VLDLR: variants seen among roughly 807,000 people sequenced by gnomAD.
VLDLR encodes the protein very low-density lipoprotein receptor.
VLDLR carries 81 observed loss-of-function variants against 112.7 expected under a neutral mutation model. The ratio of observed to expected loss-of-function variants is 0.72; its 90% CI spans 0.60 to 0.86. The LOEUF (loss-of-function observed/expected upper bound fraction) is 0.86, where lower values mean the gene tolerates loss of function less well. Ranked by LOEUF, VLDLR falls within the 40% of genes least tolerant of loss-of-function variation. The pLI, the probability that VLDLR is intolerant of heterozygous loss-of-function variation, is 0.00. For synonymous variants in VLDLR, 436 were observed against 384.8 expected (o/e 1.13, Z -1.56); for missense variants, 1,237 against 1,099.4 (o/e 1.13, Z -1.77).
At chr9:2,642,435 G>A (rs1448761707) in intron 4 of VLDLR, among the ~76,000 whole-genome samples, 1 of 152,188 alleles carries the variant, frequency 6.6e-6, no homozygotes, top group Non-Finnish European at 1.5e-5. Flanking sequence ...AAGCCCTGGT[G>A]CTGCCAAGTG....
chr9:2,633,420 A>C (rs974299793), intron 1 of VLDLR, among the ~76,000 whole-genome samples: 1 of 152,160 alleles, frequency 6.6e-6, no homozygotes, highest in Non-Finnish European at 1.5e-5. Flanking sequence ...TGCCTAGGAA[A>C]TCTGTAGCTT....
At position 2,628,318 on chromosome 9, in the gene VLDLR, A is replaced by G. The variant is rs145106516; in HGVS notation, c.82+6047A>G. ...CATTGAGGCCTCATTCAAGAATACA[A>G]TCTGAGCCCACTCCTGGTGAATGGG... On this transcript the variant is annotated intron_variant, in intron 1 of 18. Coordinates refer to ENST00000382100, the MANE Select transcript of VLDLR (RefSeq NM_003383.5). 2.7e-3 allele frequency among the ~76,000 whole-genome samples: 418 copies of G among 152,302 alleles called. 3 individuals are homozygous for G. Among genetic ancestry groups the G allele is most frequent in the African/African-American group, 9.2e-3 (381 of 41,566 alleles).
At chr9:2,635,742 A>G (rs1563752234) in intron 2 of VLDLR, among the ~76,000 whole-genome samples, 170 bp downstream of exon 2, 1 of 152,236 alleles carries the variant, frequency 6.6e-6, no homozygotes, top group South Asian at 2.1e-4. Flanking sequence ...GGGGTTATCA[A>G]CTTGAGAATG....
intron 15 of VLDLR, 125 bp from the exon 16 acceptor site, chr9:2,651,290 A>C: frequency 1.3e-6 from 1 of 743,398 alleles, no homozygotes; most frequent in South Asian, 1.6e-5. Flanking sequence ...TGTACAACTT[A>C]GTTCAGCAGT....
intron 2 of VLDLR, 32 bp downstream of exon 2, chr9:2,635,604 T>C (rs773048109): frequency 2.5e-6 from 4 of 1,613,618 alleles, no homozygotes; most frequent in Non-Finnish European, 3.4e-6. Context: ...TTATGCATTT[T>C]GTTAAAATAT....
At chr9:2,652,588 A>G (rs141956771) in intron 17 of VLDLR, among the ~76,000 whole-genome samples, 192 bp from the exon 18 acceptor site, 337 of 152,308 alleles carry the variant, frequency 2.2e-3, no homozygotes, top group Non-Finnish European at 3.6e-3. Flanking sequence ...GCTCCAGTGC[A>G]CAGAGCTACC....
intron 18 of VLDLR, 48 bp downstream of exon 18, chr9:2,652,997 T>C: frequency 6.2e-7 from 1 of 1,611,976 alleles, no homozygotes; most frequent in Non-Finnish European, 8.5e-7. Flanking sequence ...AGTGAGACTT[T>C]TCAGAAAGGA....
At position 2,648,361 on chromosome 9, in the gene VLDLR, C is replaced by G; in HGVS notation, c.1962+14C>G. On this transcript the variant is annotated intron_variant, in intron 13 of 18. Transcript: ENST00000382100. ...ACAATATTTGAGGTAAGATGTGTCT[C>G]ACATCAAAGTGTGTACCTTTGAGCT... is the stretch of plus-strand genomic sequence containing the variant. The G allele has an allele frequency of 1.2e-6, 2 of 1,614,060 alleles. No homozygotes were observed. Among genetic ancestry groups the G allele is most frequent in the Non-Finnish European group, 1.7e-6 (2 of 1,179,994 alleles).
At chr9:2,631,817 A>G (rs1447658978) in intron 1 of VLDLR, among the ~76,000 whole-genome samples, 3 of 152,208 alleles carry the variant, frequency 2.0e-5, no homozygotes, top group Non-Finnish European at 4.4e-5. Flanking sequence ...TTCATTACAT[A>G]CATGTAACAA....
At chr9:2,626,916 C>G (rs28669967) in intron 1 of VLDLR, among the ~76,000 whole-genome samples, 46,131 of 152,154 alleles carry the variant, frequency 0.3, 7,392 homozygotes, top group African/African-American at 0.39. Flanking sequence ...GACTTCCCCA[C>G]ATCTGAGGTA....
At position 2,622,717 on chromosome 9, in the gene VLDLR, G is replaced by C. The variant is rs377064951; in HGVS notation, c.82+446G>C. Among the ~76,000 whole-genome samples, 101 of 152,320 alleles carry C rather than the reference G, an allele frequency of 6.6e-4. 1 individual carries two copies. In the South Asian group the frequency reaches 0.02, roughly 31 times the overall value. ...ACCCCGGGGAGTGCGGGAGCGGACG[G>C]GGGGAGAAGGTGAGCGCCTCCGGGG... On this transcript the variant is annotated intron_variant, in intron 1 of 18. Transcript: ENST00000382100.
In VLDLR at chr9:2,654,116, T is replaced by C. The variant is rs947563687; in HGVS notation, c.*248T>C. 3 of 506,890 alleles carry C rather than the reference T, an allele frequency of 5.9e-6. No homozygotes were observed. The highest frequency in any genetic ancestry group is 5.8e-5 in the African/African-American group (3 of 51,596). 31.4% of individuals were successfully genotyped at this position (506,890 alleles called of 1,614,324 possible). The stretch of plus-strand genomic sequence containing the variant: ...GTAACCCTTGAATTTCTAGACAGTA[T>C]TGCCACCTCTGGCCAAATATGCACT... On this transcript the variant is annotated 3_prime_UTR_variant, in exon 19 of 19. Coordinates refer to ENST00000382100, the MANE Select transcript of VLDLR (RefSeq NM_003383.5).
chr9:2,621,933 C>G lies in VLDLR; in HGVS notation c.-257C>G. 3.1e-6 allele frequency: 2 copies of G among 648,286 alleles called. No homozygotes were observed. Among genetic ancestry groups the G allele is most frequent in the Non-Finnish European group, 2.8e-6 (1 of 355,076 alleles). The allele number at this position is 648,286 out of a possible 1,614,324, so 40.2% of individuals were successfully genotyped here. The stretch of plus-strand genomic sequence containing the variant: ...TCCTCTGCAGCGCCTGCATTATTTT[C>G]TGCCCGCAGGCTCGGCTTGCACTGC... On this transcript the variant is annotated 5_prime_UTR_variant, in exon 1 of 19. Coordinates refer to ENST00000382100, the MANE Select transcript of VLDLR (RefSeq NM_003383.5).
At chr9:2,644,315 C>G (rs10967324) in intron 7 of VLDLR, among the ~76,000 whole-genome samples, 1 of 141,238 alleles carries the variant, frequency 7.1e-6, no homozygotes, top group Non-Finnish European at 1.5e-5. Flanking sequence ...CCCACCACCA[C>G]GCCCGGCTAA....
chr9:2,650,143 C>G (rs924256558), intron 14 of VLDLR, among the ~76,000 whole-genome samples: 1 of 152,146 alleles, frequency 6.6e-6, no homozygotes, highest in African/African-American at 2.4e-5. Context: ...AAAGGCATAA[C>G]TTTTACAGTC....
Position 2,621,891 on chromosome 9 carries a change from TCTCCCCTTGCCTCCC to T in VLDLR, c.-294_-280del. 1 of 588,992 alleles carries T rather than the reference TCTCCCCTTGCCTCCC, an allele frequency of 1.7e-6. No individual in the cohort carries two copies. The highest frequency in any genetic ancestry group is 3.2e-6 in the Non-Finnish European group (1 of 315,314). 36.5% of individuals were successfully genotyped at this position (588,992 alleles called of 1,614,324 possible). A position where few individuals can be genotyped will look rare whatever the true frequency, so the allele number is the denominator to read the frequency against. On this transcript the variant is annotated 5_prime_UTR_variant, in exon 1 of 19. Transcript: ENST00000382100. Reference sequence around the variant, plus strand: ...TCCCCACCCCCTCTCCCTTCCCTCCTCTCCCCTTGCCTCCCCTCCTCTGCAGCGCCTGCATTATTT... The same window carrying T: ...TCCCCACCCCCTCTCCCTTCCCTCCTCTCCTCTGCAGCGCCTGCATTATTT...
chr9:2,642,316 G>T (rs1814544190), intron 4 of VLDLR, among the ~76,000 whole-genome samples: 1 of 152,162 alleles, frequency 6.6e-6, no homozygotes, highest in African/African-American at 2.4e-5. Context: ...GGCACTTACA[G>T]TTGAAACACC....
rs1816806457 is a variant in VLDLR, at chr9:2,622,044, C to T, written c.-146C>T. The T allele has an allele frequency of 1.2e-6, 1 of 802,212 alleles. No homozygotes were observed. The highest frequency in any genetic ancestry group is 1.9e-6 in the Non-Finnish European group (1 of 527,018). 49.7% of individuals were successfully genotyped at this position (802,212 alleles called of 1,614,324 possible). A position where few individuals can be genotyped will look rare whatever the true frequency, so the allele number is the denominator to read the frequency against. ...GGGGGTGCCCTCTTCTTCCCCGCTC[C>T]CTTCCCCCGCCAACTCCTTCCCCTC... On this transcript the variant is annotated 5_prime_UTR_variant, in exon 1 of 19. Transcript: ENST00000382100.
In VLDLR at chr9:2,643,551, G is replaced by T; in HGVS notation, c.820+20G>T. ...ACTGTCGTAAGTAGCTTTCTAGCAT[G>T]GCATGTTCAGTTCTCTTCCCTGTAT... On this transcript the variant is annotated intron_variant, in intron 5 of 18. Coordinates refer to ENST00000382100, the MANE Select transcript of VLDLR (RefSeq NM_003383.5). 6.2e-7 allele frequency: 1 copy of T among 1,614,164 alleles called. No homozygotes were observed. Among genetic ancestry groups the T allele is most frequent in the South Asian group, 1.1e-5 (1 of 91,076 alleles).
Sources: gnomAD v4.1 joint callset for allele counts (sites outside exome capture counted in the v4.1 genomes callset) on GRCh38, gnomAD v4.1.1 for gene constraint, MANE v1.5 for transcripts, NCBI Gene and HGNC (gene_info 2026-07-23, HGNC 2026-07-21) for gene names.